Variants in EPS8 observed in about 807,000 individuals in gnomAD.
EPS8 encodes EGFR pathway substrate 8, signaling adaptor.
EPS8 carries 42 observed loss-of-function variants against 103.8 expected under a neutral mutation model. The ratio of observed to expected loss-of-function variants is 0.40; its 90% confidence interval spans 0.32 to 0.52. The LOEUF (loss-of-function observed/expected upper bound fraction) is 0.52, where lower values mean the gene tolerates loss of function less well. Among genes scored for constraint, EPS8 ranks in the 20% least tolerant of loss-of-function variants. The pLI is 0.40. For synonymous variants in EPS8, 344 were observed against 344.6 expected, an observed-to-expected ratio of 1.00 and a Z score of 0.02; for missense variants, 969 against 1,005.1, an observed-to-expected ratio of 0.96 and a Z score of 0.49.
Position 15,747,880 on chromosome 12 carries a change from C to T in EPS8, c.-22+41281G>A, listed in dbSNP as rs1043473833. 3.2e-4 allele frequency among the ~76,000 whole-genome samples: 48 copies of T among 152,100 alleles called. No individual in the cohort carries two copies. The highest frequency in any genetic ancestry group is 6.8e-3 in the Middle Eastern group (2 of 294). On this transcript the variant is annotated intron_variant, in intron 1 of 20. Coordinates refer to ENST00000281172, the MANE Select transcript of EPS8 (RefSeq NM_004447.6). This position sits in a 1 kb window ranked among gnomAD's most constrained non-coding sequence, Gnocchi z 4.4. ...CTAAAAATACAAAGAATTAGCCGGACGTGGTGGCAGGCACCTGTAGTCCCA... is the reference window on the plus strand; with the variant it reads ...CTAAAAATACAAAGAATTAGCCGGATGTGGTGGCAGGCACCTGTAGTCCCA...
intron 1 of EPS8, among the ~76,000 whole-genome samples, chr12:15,723,604 T>A (rs918727932): frequency 6.6e-6 from 1 of 152,160 alleles, no homozygotes; most frequent in African/African-American, 2.4e-5. Flanking sequence ...TTTAAAAAAT[T>A]AACGTAGACC....
chr12:15,678,862 C>G (rs911005770), intron 3 of EPS8, among the ~76,000 whole-genome samples: 1 of 141,858 alleles, frequency 7.0e-6, no homozygotes, highest in Non-Finnish European at 1.5e-5. Flanking sequence ...TGCAGTGAGC[C>G]GAGATTGCAC....
At chr12:15,679,656 T>C (rs1336569341) in intron 3 of EPS8, among the ~76,000 whole-genome samples, 1 of 152,156 alleles carries the variant, frequency 6.6e-6, no homozygotes, top group Non-Finnish European at 1.5e-5. Flanking sequence ...TCCTTTCTGA[T>C]CAACCCTCAC....
At chr12:15,668,545 A>G (rs1004014298) in intron 6 of EPS8, among the ~76,000 whole-genome samples, 2 of 152,366 alleles carry the variant, frequency 1.3e-5, no homozygotes, top group Admixed American at 1.3e-4. Flanking sequence ...ATAAAGCATC[A>G]CAAATTATAA....
rs371529663 is a variant in EPS8, at chr12:15,762,488, T to C, written c.-22+26673A>G. Among the ~76,000 whole-genome samples, 28 of 152,326 alleles carry C rather than the reference T, an allele frequency of 1.8e-4. No individual in the cohort carries two copies. In the East Asian group the frequency reaches 3.3e-3, roughly 18 times the overall value. On this transcript the variant is annotated intron_variant, in intron 1 of 20. Transcript: ENST00000281172. The surrounding 1 kb of genome is among the most constrained non-coding windows in gnomAD (Gnocchi z 4.8). ...TATCAAAGGGATATCTGCACTCCCATATTTGTTGCAGCACTGTTTACAATC... is the reference window on the plus strand; with the variant it reads ...TATCAAAGGGATATCTGCACTCCCACATTTGTTGCAGCACTGTTTACAATC...
chr12:15,742,678 A>G (rs1382938941), intron 1 of EPS8, among the ~76,000 whole-genome samples: 4 of 152,246 alleles, frequency 2.6e-5, no homozygotes, highest in Non-Finnish European at 1.5e-5. Flanking sequence ...TTATCTCAAT[A>G]GATGCAGAAA....
In EPS8 at chr12:15,666,522, C is replaced by A. The variant is rs78872942; in HGVS notation, c.517G>T (p.Ala173Ser). The A allele has an allele frequency of 2.5e-6, 4 of 1,611,792 alleles. No homozygotes were observed. Among genetic ancestry groups the A allele is most frequent in the Non-Finnish European group, 3.4e-6 (4 of 1,178,146 alleles). Reference sequence around the variant, plus strand: ...TCAATATCTTCACTAATTAGGTTTGCCTGCAAAGAGACACAAGTTACCTGA... The same window carrying A: ...TCAATATCTTCACTAATTAGGTTTGACTGCAAAGAGACACAAGTTACCTGA... ...LHLFQCDEVK[A>S]NLISEDIESA... The change falls in exon 7 of 21, where the codon GCA (alanine) becomes TCA (serine). Residue 173 changes from alanine to serine, a missense_variant and splice_region_variant. Physicochemically the swap from Ala to Ser is moderately conservative, Grantham distance 99. Coordinates refer to ENST00000281172, the MANE Select transcript of EPS8 (RefSeq NM_004447.6).
Position 15,774,575 on chromosome 12 carries a change from T to C in EPS8, c.-22+14586A>G, listed in dbSNP as rs200378082. ...TTATACATATACATATATATATATA[T>C]ACACATATAAATATATATGTACACA... is the stretch of plus-strand genomic sequence containing the variant. On this transcript the variant is annotated intron_variant, in intron 1 of 20. Coordinates refer to ENST00000281172, the MANE Select transcript of EPS8 (RefSeq NM_004447.6). Among the ~76,000 whole-genome samples, 117 of 146,410 alleles carry C rather than the reference T, an allele frequency of 8.0e-4. 2 individuals are homozygous for C. Among genetic ancestry groups the C allele is most frequent in the East Asian group, 2.9e-3 (15 of 5,104 alleles).
rs1187407709 is a variant in EPS8, at chr12:15,738,827, T to C, written c.-22+50334A>G. On this transcript the variant is annotated intron_variant, in intron 1 of 20. Coordinates refer to ENST00000281172, the MANE Select transcript of EPS8 (RefSeq NM_004447.6). The surrounding 1 kb of genome is among the most constrained non-coding windows in gnomAD (Gnocchi z 6.2). ...TGTTTGTTGAATCCACTTACAAGCA[T>C]ACACCTTCACTCCAAGGACCTCAGA... Among the ~76,000 whole-genome samples, 1 of 152,158 alleles carries C rather than the reference T, an allele frequency of 6.6e-6. No homozygotes were observed. The highest frequency in any genetic ancestry group is 1.9e-4 in the East Asian group (1 of 5,192).
At chr12:15,661,940 A>G (rs894116146) in intron 9 of EPS8, 86 bp downstream of exon 9, 20 of 984,974 alleles carry the variant, frequency 2.0e-5, no homozygotes, top group Non-Finnish European at 2.8e-5. Flanking sequence ...AAATATCTCT[A>G]TTTAAATCAG....
At chr12:15,719,429 C>A (rs1946570296) in intron 1 of EPS8, among the ~76,000 whole-genome samples, 1 of 152,084 alleles carries the variant, frequency 6.6e-6, no homozygotes, top group Admixed American at 6.6e-5. Flanking sequence ...ATCCTTGAAG[C>A]TTGTATGTTA....
intron 17 of EPS8, among the ~76,000 whole-genome samples, chr12:15,638,734 A>T (rs1366595378): frequency 6.6e-6 from 1 of 152,246 alleles, no homozygotes; most frequent in African/African-American, 2.4e-5. Flanking sequence ...AAAGTTGACA[A>T]AAATAAAAGA....
rs543805442 is a variant in EPS8, at chr12:15,762,959, G to A, written c.-22+26202C>T. ...TAATTGGATTGTTTGTAACACAAAG[G>A]GTAAATGCTTGAGGAATAGATAGCC... On this transcript the variant is annotated intron_variant, in intron 1 of 20. Coordinates refer to ENST00000281172, the MANE Select transcript of EPS8 (RefSeq NM_004447.6). This position sits in a 1 kb window ranked among gnomAD's most constrained non-coding sequence, Gnocchi z 4.8. Among the ~76,000 whole-genome samples the A allele has an allele frequency of 6.6e-6, 1 of 152,166 alleles. No individual in the cohort carries two copies. Among genetic ancestry groups the A allele is most frequent in the East Asian group, 1.9e-4 (1 of 5,170 alleles).
intron 1 of EPS8, among the ~76,000 whole-genome samples, chr12:15,740,765 C>G (rs1407758471): frequency 6.6e-6 from 1 of 152,066 alleles, no homozygotes; most frequent in Non-Finnish European, 1.5e-5. Flanking sequence ...AGGTACTTAT[C>G]AACTACTCTG....
At chr12:15,682,703 T>C (rs1194024284) in intron 2 of EPS8, among the ~76,000 whole-genome samples, 190 bp downstream of exon 2, 1 of 152,204 alleles carries the variant, frequency 6.6e-6, no homozygotes, top group Non-Finnish European at 1.5e-5. Flanking sequence ...CTATTTACTT[T>C]ACCATCTTAT....
At chr12:15,639,818 C>T (rs1945198041) in intron 17 of EPS8, among the ~76,000 whole-genome samples, 1 of 152,174 alleles carries the variant, frequency 6.6e-6, no homozygotes, top group Non-Finnish European at 1.5e-5. Context: ...ATATTCTACG[C>T]AGCTTCTACT....
chr12:15,662,999 CA>C (rs5796644), intron 8 of EPS8, among the ~76,000 whole-genome samples: 106,443 of 128,924 alleles, frequency 0.83, 42,706 homozygotes, highest in South Asian at 0.91. Context: ...CACTTGCCAA[CA>C]AAAAAAAAAA....
chr12:15,741,247 C>T (rs1946818589), intron 1 of EPS8, among the ~76,000 whole-genome samples: 1 of 152,160 alleles, frequency 6.6e-6, no homozygotes, highest in African/African-American at 2.4e-5. Context: ...GGTAACAGAG[C>T]TTGGCTTAGC....
At position 15,696,737 on chromosome 12, in the gene EPS8, A is replaced by C. The variant is rs113294047; in HGVS notation, c.-21-13765T>G. Among the ~76,000 whole-genome samples the C allele has an allele frequency of 2.1e-3, 316 of 152,214 alleles. 2 individuals carry two copies. Among genetic ancestry groups the C allele is most frequent in the African/African-American group, 7.4e-3 (308 of 41,548 alleles). ...TGGGAAGAAATGGGACTTTTTTTAC[A>C]TGTCCACTTTGAGGCCAGTGTCAAT... is the stretch of plus-strand genomic sequence containing the variant. On this transcript the variant is annotated intron_variant, in intron 1 of 20. Coordinates refer to ENST00000281172, the MANE Select transcript of EPS8 (RefSeq NM_004447.6). This position sits in a 1 kb window ranked among gnomAD's most constrained non-coding sequence, Gnocchi z 4.8.
Sources: gnomAD v4.1 joint callset for allele counts (sites outside exome capture counted in the v4.1 genomes callset) on GRCh38, gnomAD v4.1.1 for gene constraint, Gnocchi (gnomAD v3.1) non-coding constraint, MANE v1.5 for transcripts, NCBI Gene and HGNC (gene_info 2026-07-23, HGNC 2026-07-21) for gene names.